The following PSD3 variants were observed in gnomAD, a reference collection of about 807,000 sequenced individuals.
PSD3 encodes PH and SEC7 domain-containing protein 3.
In PSD3, 49 loss-of-function variants were observed where a neutral mutation model predicts 105.5. The observed-to-expected ratio is 0.46, with a 90% CI of 0.37 to 0.59. The LOEUF (loss-of-function observed/expected upper bound fraction) is 0.59, where lower values mean the gene tolerates loss of function less well. Among genes scored for constraint, PSD3 ranks in the 20% least tolerant of loss-of-function variants. PSD3 has a pLI of 0.00. For synonymous variants in PSD3, 557 were observed against 457.8 expected, an observed-to-expected ratio of 1.22 and a Z score of -2.77; for missense variants, 1,561 against 1,263.8, an observed-to-expected ratio of 1.24 and a Z score of -3.57.
At chr8:18,727,535 A>AT (rs1232650783) in intron 9 of PSD3, among the ~76,000 whole-genome samples, 6 of 12,552 alleles carry the variant, frequency 4.8e-4, no homozygotes, top group East Asian at 1.2e-3. Flanking sequence ...CAATAGCTAA[A>AT]TTAAAAAAAA....
Position 18,780,433 on chromosome 8 carries a change from AC to A in PSD3, c.2083-14896del, listed in dbSNP as rs376096675. On this transcript the variant is annotated intron_variant, in intron 8 of 15. Transcript: ENST00000327040. ...TTTACATTCAAGGTTATTATTCAGT[AC>A]TTAATTCCTGTCATTTTGTGAATTA... Among the ~76,000 whole-genome samples, 278 of 152,216 alleles carry A rather than the reference AC, an allele frequency of 1.8e-3. No individual in the cohort carries two copies. The Middle Eastern group carries it at 0.027, about 15-fold the overall frequency.
intron 4 of PSD3, among the ~76,000 whole-genome samples, chr8:18,841,917 T>C (rs1814657695): frequency 6.6e-6 from 1 of 152,108 alleles, no homozygotes. Flanking sequence ...TAAAACCTAC[T>C]CTATTTCTAA....
In PSD3 at chr8:18,677,392, A is replaced by C. The variant is rs182700755; in HGVS notation, c.2173-21707T>G. 4.6e-3 allele frequency among the ~76,000 whole-genome samples: 703 copies of C among 152,314 alleles called. 10 individuals carry two copies. The highest frequency in any genetic ancestry group is 0.02 in the Middle Eastern group (6 of 294). On this transcript the variant is annotated intron_variant, in intron 9 of 15. Transcript: ENST00000327040. ...CAGGAATTAAAGACCAGCCTGGCCA[A>C]CATGGCAAAAACCCATCTCTATTAA... is the stretch of plus-strand genomic sequence containing the variant.
At chr8:18,837,460 A>G (rs767699745) in intron 4 of PSD3, among the ~76,000 whole-genome samples, 2 of 152,218 alleles carry the variant, frequency 1.3e-5, no homozygotes, top group African/African-American at 2.4e-5. Context: ...AGCAAGTTCA[A>G]TAAAAATCAG....
At position 18,980,225 on chromosome 8, in the gene PSD3, G is replaced by T. The variant is rs149349177; in HGVS notation, c.21+33338C>A. 5.6e-3 allele frequency among the ~76,000 whole-genome samples: 860 copies of T among 152,314 alleles called. 11 individuals are homozygous for T. The highest frequency in any genetic ancestry group is 0.02 in the African/African-American group (824 of 41,564). ...AAGTTCCTCACAAGCTGGTGAGAAA[G>T]CCAGACCTGAGTAACCCAGACAGTG... On this transcript the variant is annotated intron_variant, in intron 1 of 15. Coordinates refer to ENST00000327040, the MANE Select transcript of PSD3 (RefSeq NM_015310.4).
chr8:18,561,932 T>G (rs1801416353), intron 14 of PSD3, among the ~76,000 whole-genome samples: 1 of 152,262 alleles, frequency 6.6e-6, no homozygotes, highest in South Asian at 2.1e-4. Flanking sequence ...GGCCAGAAAT[T>G]AGCTTTTTAT....
At chr8:18,935,523 A>G (rs1169367246) in intron 2 of PSD3, among the ~76,000 whole-genome samples, 3 of 151,616 alleles carry the variant, frequency 2.0e-5, no homozygotes, top group Admixed American at 6.6e-5. Context: ...AAAAAAAAAA[A>G]AAAAGAAAAA....
At chr8:18,654,198 G>C (rs1488790988) in intron 10 of PSD3, among the ~76,000 whole-genome samples, 4 of 152,026 alleles carry the variant, frequency 2.6e-5, no homozygotes, top group Non-Finnish European at 5.9e-5. Flanking sequence ...CTTGCAATAG[G>C]ACCATGACTC....
intron 9 of PSD3, among the ~76,000 whole-genome samples, chr8:18,672,538 C>T (rs532814231): frequency 2.6e-4 from 39 of 152,260 alleles, no homozygotes; most frequent in African/African-American, 9.4e-4. Flanking sequence ...ATTTCATAAA[C>T]AGGAAAATTT....
At chr8:18,630,376 G>A (rs28582786) in intron 11 of PSD3, among the ~76,000 whole-genome samples, 2,447 of 151,994 alleles carry the variant, frequency 0.016, 76 homozygotes, top group African/African-American at 0.055. Flanking sequence ...GTATTAGGCC[G>A]CTGAGGGAGA....
Position 18,989,996 on chromosome 8 carries a change from T to G in PSD3, c.21+23567A>C, listed in dbSNP as rs576302160. On this transcript the variant is annotated intron_variant, in intron 1 of 15. Coordinates refer to ENST00000327040, the MANE Select transcript of PSD3 (RefSeq NM_015310.4). Reference sequence around the variant, plus strand: ...TAATTGAGGCAGAAATCTATGTCATTCTTCCTTTCCTTACACCCCATCAAT... The same window carrying G: ...TAATTGAGGCAGAAATCTATGTCATGCTTCCTTTCCTTACACCCCATCAAT... 4.6e-5 allele frequency among the ~76,000 whole-genome samples: 7 copies of G among 152,302 alleles called. No individual in the cohort carries two copies. In the East Asian group the frequency reaches 1.4e-3, roughly 29 times the overall value.
chr8:18,809,461 T>C (rs551672202), intron 4 of PSD3, among the ~76,000 whole-genome samples: 2 of 152,280 alleles, frequency 1.3e-5, no homozygotes, highest in African/African-American at 4.8e-5. Context: ...TTTTGAATCA[T>C]ACTAAGATTG....
chr8:18,800,817 C>G (rs1810612896), intron 7 of PSD3, among the ~76,000 whole-genome samples: 1 of 152,134 alleles, frequency 6.6e-6, no homozygotes, highest in Non-Finnish European at 1.5e-5. Flanking sequence ...AAAACTAACT[C>G]CAACACTCAG....
chr8:18,628,923 C>T (rs890070433), intron 11 of PSD3, among the ~76,000 whole-genome samples: 9 of 151,942 alleles, frequency 5.9e-5, no homozygotes, highest in Admixed American at 3.3e-4. Flanking sequence ...AACAGTAAGA[C>T]GGCAGATTTA....
intron 12 of PSD3, among the ~76,000 whole-genome samples, chr8:18,596,082 A>G (rs956602143): frequency 1.3e-5 from 2 of 152,100 alleles, no homozygotes; most frequent in Non-Finnish European, 2.9e-5. Context: ...AAAGGGAAGT[A>G]GAAATTAAAA....
chr8:18,775,950 C>A (rs1023671179), intron 8 of PSD3, among the ~76,000 whole-genome samples: 4 of 152,134 alleles, frequency 2.6e-5, no homozygotes, highest in African/African-American at 9.7e-5. Context: ...TTTCCCCAAT[C>A]TTTTCTTCTA....
At position 18,763,038 on chromosome 8, in the gene PSD3, C is replaced by T; in HGVS notation, c.2172+2411G>A. On this transcript the variant is annotated intron_variant, in intron 9 of 15. Coordinates refer to ENST00000327040, the MANE Select transcript of PSD3 (RefSeq NM_015310.4). ...AATCCCACAACACCTAGTAAACACACAGCAGACCTTTAATAAATGTTTCCA... is the reference window on the plus strand; with the variant it reads ...AATCCCACAACACCTAGTAAACACATAGCAGACCTTTAATAAATGTTTCCA... 3.5e-6 allele frequency: 2 copies of T among 566,008 alleles called. 1 individual carries two copies. Among genetic ancestry groups the T allele is most frequent in the South Asian group, 3.0e-5 (2 of 66,630 alleles). 35.1% of individuals were successfully genotyped at this position (566,008 alleles called of 1,614,324 possible). A position where few individuals can be genotyped will look rare whatever the true frequency, so the allele number is the denominator to read the frequency against.
intron 1 of PSD3, among the ~76,000 whole-genome samples, chr8:18,953,067 G>A (rs890269755): frequency 2.6e-5 from 4 of 152,116 alleles, no homozygotes; most frequent in Admixed American, 2.6e-4. Context: ...GATAAAAACA[G>A]ACCATTTAAG....
intron 8 of PSD3, among the ~76,000 whole-genome samples, chr8:18,777,429 T>C (rs1305343711): frequency 6.6e-6 from 1 of 152,230 alleles, no homozygotes; most frequent in Non-Finnish European, 1.5e-5. Flanking sequence ...CTTTTTATGC[T>C]CTGACCTTTA....
Sources: allele counts gnomAD v4.1 joint callset (sites outside exome capture counted in the v4.1 genomes callset), GRCh38; gene constraint gnomAD v4.1.1; transcripts MANE v1.5; gene names NCBI Gene and HGNC (gene_info 2026-07-23, HGNC 2026-07-21).